PKD1L1: variants seen among roughly 807,000 people sequenced by gnomAD.
The protein encoded by PKD1L1 is polycystin 1 like 1, transient receptor potential channel interacting.
Under a neutral mutation model 323.4 loss-of-function variants are expected in PKD1L1, and 236 were observed. The ratio of observed to expected loss-of-function variants is 0.73; its 90% CI spans 0.66 to 0.81. The LOEUF is 0.81. Among genes scored for constraint, PKD1L1 ranks in the 40% least tolerant of loss-of-function variants. The pLI, the probability that PKD1L1 is intolerant of heterozygous loss-of-function variation, is 0.00. For synonymous variants in PKD1L1, 1,344 were observed against 1,335.0 expected, an observed-to-expected ratio of 1.01 and a Z score of -0.15; for missense variants, 3,320 against 3,508.0, an observed-to-expected ratio of 0.95 and a Z score of 1.35.
At chr7:47,931,416 C>T in intron 5 of PKD1L1, 95 bp from the exon 6 acceptor site, 1 of 1,296,526 alleles carries the variant, frequency 7.7e-7, no homozygotes, top group Non-Finnish European at 1.1e-6. Flanking sequence ...ATTTAACAAA[C>T]AGCCCCACTG....
intron 45 of PKD1L1, 91 bp downstream of exon 45, chr7:47,827,255 GAACA>G (rs1785254796): frequency 2.7e-5 from 30 of 1,130,134 alleles, no homozygotes; most frequent in Non-Finnish European, 3.7e-5. Context: ...TCCTCCAGGA[GAACA>G]ATCTCCCAGG....
Position 47,940,324 on chromosome 7 carries a change from A to G in PKD1L1, c.161-7T>C, listed in dbSNP as rs1563000260. The G allele has an allele frequency of 1.1e-5, 12 of 1,082,806 alleles. No homozygotes were observed. Among genetic ancestry groups the G allele is most frequent in the Non-Finnish European group, 1.5e-5 (12 of 792,762 alleles). 67.1% of individuals were successfully genotyped at this position (1,082,806 alleles called of 1,614,324 possible). ...ACATGATTAGCATAGACCTCTAGAG[A>G]AAAAAAAAAAAGCAAACATTCTGAA... On this transcript the variant is annotated splice_region_variant and splice_polypyrimidine_tract_variant and intron_variant, in intron 2 of 56. Coordinates refer to ENST00000289672, the MANE Select transcript of PKD1L1 (RefSeq NM_138295.5).
At chr7:47,835,737 C>T (rs1196340121) in intron 37 of PKD1L1, among the ~76,000 whole-genome samples, 1 of 151,838 alleles carries the variant, frequency 6.6e-6, no homozygotes, top group Non-Finnish European at 1.5e-5. Context: ...GTTCAATATT[C>T]GTTCTAAGAA....
intron 17 of PKD1L1, among the ~76,000 whole-genome samples, chr7:47,886,828 G>A (rs750301920): frequency 2.6e-5 from 4 of 151,956 alleles, no homozygotes; most frequent in Non-Finnish European, 5.9e-5. Context: ...TTCCTTTATA[G>A]CAGTGCAAGA....
intron 14 of PKD1L1, among the ~76,000 whole-genome samples, chr7:47,895,724 C>T (rs1242427556): frequency 2.0e-5 from 3 of 152,060 alleles, no homozygotes; most frequent in South Asian, 2.1e-4. Context: ...CACTTAAATG[C>T]GTAGTCAAAC....
At chr7:47,837,716 T>C (rs1259869288) in intron 36 of PKD1L1, among the ~76,000 whole-genome samples, 1 of 152,214 alleles carries the variant, frequency 6.6e-6, no homozygotes, top group African/African-American at 2.4e-5. Flanking sequence ...CCACAGTGTC[T>C]GGCACACAGT....
intron 8 of PKD1L1, among the ~76,000 whole-genome samples, chr7:47,914,123 CAG>C (rs1370222087): frequency 6.6e-6 from 1 of 152,096 alleles, no homozygotes; most frequent in African/African-American, 2.4e-5. Context: ...GCTAAAGAAA[CAG>C]AGGGATAAGG....
chr7:47,895,014 T>C (rs963015735), intron 14 of PKD1L1, among the ~76,000 whole-genome samples: 1 of 152,178 alleles, frequency 6.6e-6, no homozygotes, highest in African/African-American at 2.4e-5. Flanking sequence ...GGAACAGCTG[T>C]AGGATTAGAA....
intron 7 of PKD1L1, among the ~76,000 whole-genome samples, chr7:47,919,178 CA>C (rs1787488693): frequency 6.6e-6 from 1 of 151,872 alleles, no homozygotes; most frequent in African/African-American, 2.4e-5. Context: ...CAATAAGAAA[CA>C]AAACAGGGGA....
chr7:47,778,679 T>C (rs1786624225), intron 56 of PKD1L1, among the ~76,000 whole-genome samples: 1 of 152,248 alleles, frequency 6.6e-6, no homozygotes, highest in Admixed American at 6.5e-5. Context: ...TACTGATATA[T>C]AGGAGACTTA....
At chr7:47,888,273 G>A (rs1444591282) in intron 16 of PKD1L1, 123 bp from the exon 17 acceptor site, 11 of 968,260 alleles carry the variant, frequency 1.1e-5, no homozygotes, top group Non-Finnish European at 1.5e-5. Flanking sequence ...GACTTCAATA[G>A]CAATGTCACA....
chr7:47,927,778 A>G (rs1787683424), intron 7 of PKD1L1, among the ~76,000 whole-genome samples: 1 of 152,262 alleles, frequency 6.6e-6, no homozygotes, highest in South Asian at 2.1e-4. Flanking sequence ...AAGAGTCCTA[A>G]TTAAAAGCAA....
At chr7:47,830,325 C>T (rs1562950297) in intron 42 of PKD1L1, among the ~76,000 whole-genome samples, 1 of 152,178 alleles carries the variant, frequency 6.6e-6, no homozygotes, top group African/African-American at 2.4e-5. Flanking sequence ...AAGAGGACAT[C>T]GACCTCCCTG....
At chr7:47,891,808 T>G (rs1346385549) in intron 15 of PKD1L1, among the ~76,000 whole-genome samples, 1 of 152,194 alleles carries the variant, frequency 6.6e-6, no homozygotes, top group Non-Finnish European at 1.5e-5. Context: ...CATGCGGATG[T>G]GAAGATGAGT....
At position 47,888,099 on chromosome 7, in the gene PKD1L1, A is replaced by C. The variant is rs748276228; in HGVS notation, c.2727T>G (p.Asn909Lys). The C allele has an allele frequency of 3.2e-5, 52 of 1,614,000 alleles. No homozygotes were observed. The highest frequency in any genetic ancestry group is 4.3e-5 in the Non-Finnish European group (51 of 1,179,974). The part of the protein sequence containing the change: ...VSFKDTFVNW[N>K]DELSLQAMCE... ...ACATAGCTTGAAGAGAGAGTTCGTC[A>C]TTCCAGTTGACGAAGGTGTCTTTAA... The change falls in exon 17 of 57, where the codon AAT becomes AAG. Residue 909 changes from asparagine (N) to lysine (K), a missense_variant. Transcript: ENST00000289672.
intron 56 of PKD1L1, among the ~76,000 whole-genome samples, chr7:47,784,206 A>G (rs1230519959): frequency 6.6e-6 from 1 of 152,242 alleles, no homozygotes; most frequent in Non-Finnish European, 1.5e-5. Context: ...CCATGAAAGC[A>G]GAGAGAATTC....
intron 46 of PKD1L1, among the ~76,000 whole-genome samples, chr7:47,820,463 A>C (rs1367518225): frequency 2.0e-5 from 3 of 152,132 alleles, no homozygotes; most frequent in Non-Finnish European, 1.5e-5. Flanking sequence ...AGTGGCGCAC[A>C]CCTGTAATCC....
At chr7:47,806,605 A>G (rs1784783111) in intron 52 of PKD1L1, among the ~76,000 whole-genome samples, 1 of 152,232 alleles carries the variant, frequency 6.6e-6, no homozygotes, top group East Asian at 1.9e-4. Context: ...AAATAGATAC[A>G]TTCTCTATTC....
chr7:47,797,877 T>C (rs1703771390), intron 54 of PKD1L1, among the ~76,000 whole-genome samples: 1 of 152,170 alleles, frequency 6.6e-6, no homozygotes, highest in African/African-American at 2.4e-5. Context: ...GGCTTTAAAA[T>C]TGCCTATCAT....
Sources: gnomAD v4.1 joint callset for allele counts (sites outside exome capture counted in the v4.1 genomes callset) on GRCh38, gnomAD v4.1.1 for gene constraint, MANE v1.5 for transcripts, NCBI Gene and HGNC (gene_info 2026-07-23, HGNC 2026-07-21) for gene names.